Variants in XKR6 observed in about 807,000 individuals in gnomAD.
The protein encoded by XKR6 is XK-related protein 6.
In XKR6, 22 loss-of-function variants were observed where a neutral mutation model predicts 56.7. That is an observed-to-expected ratio of 0.39 (90% CI 0.28 to 0.55). The LOEUF (loss-of-function observed/expected upper bound fraction) is 0.55, where lower values mean the gene tolerates loss of function less well. Ranked by LOEUF, XKR6 falls within the 20% of genes least tolerant of loss-of-function variation. The pLI is 0.66. For synonymous variants in XKR6, 524 were observed against 387.8 expected (o/e 1.35, Z -4.13); for missense variants, 852 against 889.0 (o/e 0.96, Z 0.53).
chr8:10,930,229 T>C (rs1179453370), intron 1 of XKR6, among the ~76,000 whole-genome samples: 1 of 152,214 alleles, frequency 6.6e-6, no homozygotes, highest in African/African-American at 2.4e-5. Flanking sequence ...CTGCTTCTTA[T>C]GACACTGTCA....
intron 1 of XKR6, among the ~76,000 whole-genome samples, chr8:10,972,322 C>T (rs568091789): frequency 2.4e-4 from 37 of 152,186 alleles, no homozygotes; most frequent in Non-Finnish European, 4.6e-4. Flanking sequence ...TACTGACCAT[C>T]GGCAATTACC....
chr8:11,101,337 A>C (rs1284453292), intron 1 of XKR6, among the ~76,000 whole-genome samples: 2 of 152,230 alleles, frequency 1.3e-5, no homozygotes, highest in African/African-American at 4.8e-5. Context: ...CGGCCTTGAA[A>C]AAGATGCCGT....
At chr8:11,024,687 T>A (rs1798822492) in intron 1 of XKR6, among the ~76,000 whole-genome samples, 1 of 152,230 alleles carries the variant, frequency 6.6e-6, no homozygotes, top group African/African-American at 2.4e-5. Context: ...TTCCACCATC[T>A]GTTGAAGGTA....
At chr8:10,954,512 C>T (rs1801816447) in intron 1 of XKR6, among the ~76,000 whole-genome samples, 1 of 152,146 alleles carries the variant, frequency 6.6e-6, no homozygotes, top group Admixed American at 6.5e-5. Context: ...ATTGGGTTTT[C>T]TCTTTATTAT....
At chr8:11,170,021 T>G (rs976616507) in intron 1 of XKR6, among the ~76,000 whole-genome samples, 3 of 152,186 alleles carry the variant, frequency 2.0e-5, no homozygotes, top group African/African-American at 7.2e-5. Flanking sequence ...AATGGAAGTC[T>G]GCAACTCCTA....
At position 11,095,188 on chromosome 8, in the gene XKR6, C is replaced by T. The variant is rs41501447; in HGVS notation, c.764+105388G>A. 6.7e-3 allele frequency among the ~76,000 whole-genome samples: 1,018 copies of T among 152,272 alleles called. 20 individuals are homozygous for T. The highest frequency in any genetic ancestry group is 0.028 in the East Asian group (147 of 5,186). On this transcript the variant is annotated intron_variant, in intron 1 of 2. Transcript: ENST00000416569. ...AGTAGCGTTCAAGTTTGTGCAAATA[C>T]GTAAGTGGACATTTTTGGTTGACTT... is the stretch of plus-strand genomic sequence containing the variant.
chr8:11,131,049 C>G (rs1273698235), intron 1 of XKR6, among the ~76,000 whole-genome samples: 1 of 152,174 alleles, frequency 6.6e-6, no homozygotes, highest in African/African-American at 2.4e-5. Context: ...TTTAGAGATT[C>G]TGTCCCGGGG....
chr8:11,083,087 G>A (rs796969177), intron 1 of XKR6, among the ~76,000 whole-genome samples: 2 of 152,062 alleles, frequency 1.3e-5, no homozygotes, highest in Non-Finnish European at 2.9e-5. Context: ...TCTGGAACTC[G>A]GGGGCTGCTG....
chr8:10,994,658 G>T, intron 1 of XKR6, among the ~76,000 whole-genome samples: 1 of 152,094 alleles, frequency 6.6e-6, no homozygotes, highest in Non-Finnish European at 1.5e-5. Context: ...CATTGAGTGT[G>T]TACTCTCCAC....
chr8:11,100,047 T>G (rs1473698144), intron 1 of XKR6, among the ~76,000 whole-genome samples: 1 of 152,238 alleles, frequency 6.6e-6, no homozygotes, highest in South Asian at 2.1e-4. Flanking sequence ...CTCATTTTTT[T>G]TCTTTTCATT....
At position 10,897,816 on chromosome 8, in the gene XKR6, G is replaced by A; in HGVS notation, c.*136C>T. 2.8e-6 allele frequency: 3 copies of A among 1,086,186 alleles called. No individual in the cohort carries two copies. The highest frequency in any genetic ancestry group is 3.8e-6 in the Non-Finnish European group (3 of 785,580). 67.3% of individuals were successfully genotyped at this position (1,086,186 alleles called of 1,614,324 possible). On this transcript the variant is annotated 3_prime_UTR_variant, in exon 3 of 3. Coordinates refer to ENST00000416569, the MANE Select transcript of XKR6 (RefSeq NM_173683.4). ...TATTAATTCTTTTTTTTTTGTAGTG[G>A]TGGTGTTGGTGTGGCGGTGTTGGTG... is the stretch of plus-strand genomic sequence containing the variant.
chr8:11,100,294 A>G (rs984954598), intron 1 of XKR6, among the ~76,000 whole-genome samples: 3 of 152,104 alleles, frequency 2.0e-5, no homozygotes, highest in African/African-American at 7.2e-5. Flanking sequence ...GGCTCAAGCA[A>G]TCTACCCACT....
At chr8:11,111,969 T>C (rs1242937803) in intron 1 of XKR6, 1 of 152,234 alleles carries the variant, frequency 6.6e-6, no homozygotes, top group African/African-American at 2.4e-5. Flanking sequence ...ATTACTTTTA[T>C]AATTTTCAAA....
intron 1 of XKR6, chr8:11,104,554 G>A (rs1483554118): frequency 6.6e-6 from 1 of 152,174 alleles, no homozygotes; most frequent in Non-Finnish European, 1.5e-5. Flanking sequence ...TCTTCCTTCA[G>A]GGCGCTTTTG....
chr8:11,059,783 C>T (rs545481936), intron 1 of XKR6, among the ~76,000 whole-genome samples: 1 of 151,984 alleles, frequency 6.6e-6, no homozygotes, highest in African/African-American at 2.4e-5. Flanking sequence ...ACCCCCTGCG[C>T]GACCCCGCTG....
chr8:10,993,487 G>A (rs554426023), intron 1 of XKR6, among the ~76,000 whole-genome samples: 93 of 152,328 alleles, frequency 6.1e-4, no homozygotes, highest in African/African-American at 2.1e-3. Flanking sequence ...CAGGTGGCAG[G>A]CTGAACACTG....
chr8:10,955,411 G>A (rs1445107606), intron 1 of XKR6, among the ~76,000 whole-genome samples: 2 of 151,688 alleles, frequency 1.3e-5, no homozygotes, highest in Non-Finnish European at 2.9e-5. Flanking sequence ...GAACTTTTGG[G>A]CTCTTGTGAT....
intron 2 of XKR6, among the ~76,000 whole-genome samples, chr8:10,914,720 C>G (rs528698946): frequency 2.1e-5 from 3 of 146,146 alleles, no homozygotes; most frequent in Non-Finnish European, 4.5e-5. Flanking sequence ...ACCCAATTCC[C>G]CATGTGGGAA....
At chr8:11,188,762 G>A (rs752887810) in intron 1 of XKR6, among the ~76,000 whole-genome samples, 15 of 152,184 alleles carry the variant, frequency 9.9e-5, no homozygotes, top group Admixed American at 2.0e-4. Flanking sequence ...CCAACGAGCA[G>A]AGGATCTAAC....
Sources: gnomAD v4.1 joint callset for allele counts (sites outside exome capture counted in the v4.1 genomes callset) on GRCh38, gnomAD v4.1.1 for gene constraint, MANE v1.5 for transcripts, NCBI Gene and HGNC (gene_info 2026-07-23, HGNC 2026-07-21) for gene names.